NKAIN2: variants seen among roughly 807,000 people sequenced by gnomAD.
The protein encoded by NKAIN2 is sodium/potassium-transporting ATPase subunit beta-1-interacting protein 2.
Under a neutral mutation model 32.6 loss-of-function variants are expected in NKAIN2, and 14 were observed. The ratio of observed to expected loss-of-function variants is 0.43; its 90% CI spans 0.28 to 0.67. NKAIN2 has a LOEUF of 0.67. Ranked by LOEUF, NKAIN2 falls within the 30% of genes least tolerant of loss-of-function variation. The pLI is 0.17. For missense variants in NKAIN2, 198 were observed against 258.3 expected (o/e 0.77, Z 1.60); for synonymous variants, 80 against 87.2 (o/e 0.92, Z 0.46).
chr6:124,677,871 C>T (rs1250291705), intron 4 of NKAIN2, among the ~76,000 whole-genome samples: 1 of 151,886 alleles, frequency 6.6e-6, no homozygotes. Context: ...TAAAGGACTT[C>T]CTTTAACCTT....
Position 124,401,823 on chromosome 6 carries a change from A to G in NKAIN2, c.273+46476A>G, listed in dbSNP as rs74813566. ...TGGTTTTGAACTCCCTGCTGGGTAT[A>G]CAACTATTATTTACTCCCACTTTGT... On this transcript the variant is annotated intron_variant, in intron 3 of 6. Transcript: ENST00000368417. 3.2e-3 allele frequency among the ~76,000 whole-genome samples: 480 copies of G among 152,246 alleles called. 3 individuals are homozygous for G. Among genetic ancestry groups the G allele is most frequent in the African/African-American group, 0.011 (466 of 41,540 alleles).
intron 3 of NKAIN2, among the ~76,000 whole-genome samples, chr6:124,635,414 G>T (rs1783738060): frequency 6.6e-6 from 1 of 151,912 alleles, no homozygotes; most frequent in Admixed American, 6.6e-5. Context: ...AAAGAGTAAA[G>T]AATATACAAA....
chr6:124,003,090 C>T (rs1488860094), intron 1 of NKAIN2, among the ~76,000 whole-genome samples: 1 of 152,156 alleles, frequency 6.6e-6, no homozygotes. Context: ...GCAGACAATG[C>T]AACTATTCCT....
intron 4 of NKAIN2, among the ~76,000 whole-genome samples, chr6:124,687,741 T>TACACAC (rs1392017501): frequency 0.026 from 792 of 29,968 alleles, 13 homozygotes; most frequent in South Asian, 0.05. Context: ...ATATATGATA[T>TACACAC]ATACACACAC....
At chr6:123,880,068 C>T (rs950353373) in intron 1 of NKAIN2, among the ~76,000 whole-genome samples, 3 of 151,954 alleles carry the variant, frequency 2.0e-5, no homozygotes, top group Non-Finnish European at 4.4e-5. Context: ...AGATCCTGGG[C>T]GAGAAGGGCA....
chr6:124,568,579 G>T (rs1781008413), intron 3 of NKAIN2, among the ~76,000 whole-genome samples: 1 of 151,898 alleles, frequency 6.6e-6, no homozygotes, highest in South Asian at 2.1e-4. Context: ...CAATTTCTGG[G>T]TTCAGGTTAT....
intron 4 of NKAIN2, among the ~76,000 whole-genome samples, chr6:124,773,735 C>T (rs746542592): frequency 7.9e-5 from 12 of 151,980 alleles, no homozygotes; most frequent in Non-Finnish European, 1.5e-4. Context: ...TTCATGTATC[C>T]GATTAAATTA....
At chr6:124,227,412 C>T (rs909886015) in intron 1 of NKAIN2, among the ~76,000 whole-genome samples, 7 of 152,162 alleles carry the variant, frequency 4.6e-5, no homozygotes, top group Admixed American at 2.0e-4. Flanking sequence ...TTTACACTCA[C>T]GCGTAATTCT....
At chr6:124,323,777 A>ATTTTTTTTTTTTT (rs1491556824) in intron 2 of NKAIN2, among the ~76,000 whole-genome samples, 1 of 115,492 alleles carries the variant, frequency 8.7e-6, no homozygotes, top group African/African-American at 3.9e-5. Context: ...AATTCTTTTA[A>ATTTTTTTTTTTTT]TTTTTTCTTT....
chr6:124,256,960 A>G (rs1258458301), intron 1 of NKAIN2, among the ~76,000 whole-genome samples: 2 of 144,390 alleles, frequency 1.4e-5, no homozygotes, highest in South Asian at 4.3e-4. Flanking sequence ...AAAAGCTATA[A>G]CTTCTTTTGG....
intron 4 of NKAIN2, among the ~76,000 whole-genome samples, chr6:124,702,671 C>A (rs1036205013): frequency 1.3e-5 from 2 of 152,032 alleles, no homozygotes; most frequent in Non-Finnish European, 2.9e-5. Flanking sequence ...ATTGTTCTTT[C>A]TCCATTAAAT....
chr6:123,921,202 A>C (rs1276802363), intron 1 of NKAIN2, among the ~76,000 whole-genome samples: 1 of 152,226 alleles, frequency 6.6e-6, no homozygotes, highest in Non-Finnish European at 1.5e-5. Flanking sequence ...AAAGTCAGCC[A>C]GTTTGTTTGC....
intron 1 of NKAIN2, among the ~76,000 whole-genome samples, chr6:123,921,727 A>T (rs1343764839): frequency 6.6e-6 from 1 of 152,226 alleles, no homozygotes; most frequent in Non-Finnish European, 1.5e-5. Flanking sequence ...TCAGGAGAAC[A>T]TATAGTGTAC....
chr6:124,299,786 T>C (rs1480989877), intron 2 of NKAIN2, among the ~76,000 whole-genome samples: 2 of 152,236 alleles, frequency 1.3e-5, no homozygotes, highest in African/African-American at 2.4e-5. Context: ...GTTCACTGAA[T>C]GTTGCCTACG....
intron 3 of NKAIN2, among the ~76,000 whole-genome samples, chr6:124,363,211 G>T (rs1799372177): frequency 6.6e-6 from 1 of 152,108 alleles, no homozygotes; most frequent in Non-Finnish European, 1.5e-5. Context: ...TTTGTATAAT[G>T]TATCTATTAC....
intron 1 of NKAIN2, among the ~76,000 whole-genome samples, chr6:124,098,528 A>G (rs1233818409): frequency 6.6e-6 from 1 of 152,204 alleles, no homozygotes; most frequent in Non-Finnish European, 1.5e-5. Context: ...TTTGTAACAA[A>G]TAGTAGTCCA....
chr6:124,623,642 A>G (rs906677187), intron 3 of NKAIN2, among the ~76,000 whole-genome samples: 3 of 152,208 alleles, frequency 2.0e-5, no homozygotes, highest in Non-Finnish European at 4.4e-5. Flanking sequence ...TTAAGAACAT[A>G]GCTTGGTTCA....
Position 124,701,588 on chromosome 6 carries a change from C to T in NKAIN2, c.474+43202C>T, listed in dbSNP as rs144447645. Among the ~76,000 whole-genome samples the T allele has an allele frequency of 9.5e-4, 144 of 152,050 alleles. 4 individuals carry two copies. In the East Asian group the frequency reaches 0.025, roughly 26 times the overall value. On this transcript the variant is annotated intron_variant, in intron 4 of 6. Coordinates refer to ENST00000368417, the MANE Select transcript of NKAIN2 (RefSeq NM_001040214.3). ...AAAGTGAGTTAACTGGGATCTATTA[C>T]CTATAACACTGATATAATAATTGTT...
chr6:124,746,493 G>T (rs1359465415), intron 4 of NKAIN2, among the ~76,000 whole-genome samples: 6 of 151,684 alleles, frequency 4.0e-5, no homozygotes, highest in African/African-American at 1.2e-4. Flanking sequence ...ATAATAGCAG[G>T]AGAAGTTTTT....
Sources: allele counts gnomAD v4.1 joint callset (sites outside exome capture counted in the v4.1 genomes callset), GRCh38; gene constraint gnomAD v4.1.1; transcripts MANE v1.5; gene names NCBI Gene and HGNC (gene_info 2026-07-23, HGNC 2026-07-21).